RAB11FIP4: variants seen among roughly 807,000 people sequenced by gnomAD.
The protein encoded by RAB11FIP4 is rab11 family-interacting protein 4.
A neutral mutation model predicts 74.3 loss-of-function variants in RAB11FIP4; 23 were observed. The observed-to-expected ratio is 0.31, with a 90% CI of 0.22 to 0.44. The LOEUF is 0.44. Among genes scored for constraint, RAB11FIP4 ranks in the 20% least tolerant of loss-of-function variants. The probability of loss-of-function intolerance (pLI) is 1.00; values close to 1 mark genes in which losing one functional copy is unlikely to be tolerated. For missense variants in RAB11FIP4, 630 were observed against 863.9 expected, an observed-to-expected ratio of 0.73 and a Z score of 3.39; for synonymous variants, 360 against 359.9, an observed-to-expected ratio of 1.00 and a Z score of 0.00.
intron 3 of RAB11FIP4, among the ~76,000 whole-genome samples, chr17:31,438,882 TG>T (rs909384747): frequency 6.6e-6 from 1 of 151,848 alleles, no homozygotes. Context: ...GAGGCTGAGG[TG>T]GGAGGATTAC....
chr17:31,441,045 A>G (rs994608189), intron 3 of RAB11FIP4, among the ~76,000 whole-genome samples: 2 of 151,658 alleles, frequency 1.3e-5, no homozygotes, highest in African/African-American at 2.4e-5. Context: ...GTTTTTTGAG[A>G]TGGAGTTTTG....
In RAB11FIP4 at chr17:31,469,704, G is replaced by T. The variant is rs532276813; in HGVS notation, c.336+35582G>T. ...ATTTTGATTTGGGGCATAAGGAAAG[G>T]CCTCTTTGAGACATTACGAAAGAGT... On this transcript the variant is annotated intron_variant, in intron 3 of 14. Transcript: ENST00000621161. 1.1e-3 allele frequency among the ~76,000 whole-genome samples: 162 copies of T among 151,734 alleles called. 1 individual carries two copies. The highest frequency in any genetic ancestry group is 3.5e-3 in the Middle Eastern group (1 of 286).
At chr17:31,406,908 C>T (rs2071047100) in intron 1 of RAB11FIP4, among the ~76,000 whole-genome samples, 1 of 152,014 alleles carries the variant, frequency 6.6e-6, no homozygotes, top group South Asian at 2.1e-4. Context: ...CTGATTATAT[C>T]TATCACTTCT....
intron 3 of RAB11FIP4, among the ~76,000 whole-genome samples, chr17:31,446,476 C>A (rs747375055): frequency 3.3e-5 from 5 of 151,974 alleles, no homozygotes; most frequent in Non-Finnish European, 7.4e-5. Flanking sequence ...AACGTCTGTG[C>A]GATGGGTAAC....
chr17:31,528,987 A>G (rs2072821286), intron 13 of RAB11FIP4, among the ~76,000 whole-genome samples: 1 of 152,190 alleles, frequency 6.6e-6, no homozygotes, highest in South Asian at 2.1e-4. Flanking sequence ...ATGTAAGGAA[A>G]TAGACCCTGC....
chr17:31,479,384 AG>A (rs2142736734), intron 3 of RAB11FIP4, among the ~76,000 whole-genome samples: 1 of 152,312 alleles, frequency 6.6e-6, no homozygotes, highest in East Asian at 1.9e-4. Context: ...TCAAAAATCA[AG>A]TCCTCAGCTT....
intron 3 of RAB11FIP4, among the ~76,000 whole-genome samples, chr17:31,483,784 A>G (rs1336051498): frequency 6.6e-6 from 1 of 152,206 alleles, no homozygotes; most frequent in Non-Finnish European, 1.5e-5. Flanking sequence ...TTTTCTCAAA[A>G]TAATGATCAT....
rs779372506 is a variant in RAB11FIP4 at position 31,517,690 on chromosome 17, C to T, written c.376C>T (p.Leu126Phe). 7.5e-6 allele frequency: 12 copies of T among 1,607,898 alleles called. No individual in the cohort carries two copies. In the Admixed American group the frequency reaches 2.0e-4, roughly 27 times the overall value. Reference protein sequence around the residue: ...VTGPTFADGELIPREPGFFPE... With the variant: ...VTGPTFADGEFIPREPGFFPE... ...AGGCCCCACCTTTGCTGATGGCGAGCTCATCCCCAGGGAACCCGGCTTTTT... is the reference window on the plus strand; with the variant it reads ...AGGCCCCACCTTTGCTGATGGCGAGTTCATCCCCAGGGAACCCGGCTTTTT... The change falls in exon 4 of 15, where the codon CTC becomes TTC. Residue 126 changes from leucine to phenylalanine, a missense_variant. Physicochemically the swap from Leu to Phe is conservative, Grantham distance 22. Transcript: ENST00000621161.
chr17:31,440,146 GA>G (rs1311850548), intron 3 of RAB11FIP4, among the ~76,000 whole-genome samples: 8 of 152,054 alleles, frequency 5.3e-5, no homozygotes, highest in Non-Finnish European at 7.4e-5. Flanking sequence ...AGATACTTTT[GA>G]GAAAAAGAAG....
At chr17:31,523,665 G>A in intron 8 of RAB11FIP4, 54 bp downstream of exon 8, 1 of 1,516,304 alleles carries the variant, frequency 6.6e-7, no homozygotes, top group East Asian at 2.3e-5. Flanking sequence ...TCCCAGGGGA[G>A]ATGGGGTGCA....
intron 1 of RAB11FIP4, among the ~76,000 whole-genome samples, chr17:31,416,176 C>T (rs2071146326): frequency 1.3e-5 from 2 of 152,192 alleles, no homozygotes; most frequent in South Asian, 4.1e-4. Context: ...TAATGTTCCC[C>T]TTTGCCCTGG....
At chr17:31,497,375 A>G (rs1323383819) in intron 3 of RAB11FIP4, among the ~76,000 whole-genome samples, 1 of 138,778 alleles carries the variant, frequency 7.2e-6, no homozygotes, top group Admixed American at 6.9e-5. Context: ...AAAACAAAAC[A>G]AAAAAAAAAC....
At chr17:31,467,099 C>CTTTTTTCT (rs1555545835) in intron 3 of RAB11FIP4, among the ~76,000 whole-genome samples, 1 of 148,884 alleles carries the variant, frequency 6.7e-6, no homozygotes, top group Non-Finnish European at 1.5e-5. Context: ...CTGAGTATTT[C>CTTTTTTCT]TTTCTTTTCT....
intron 3 of RAB11FIP4, among the ~76,000 whole-genome samples, chr17:31,451,369 G>A (rs1181412664): frequency 6.9e-6 from 1 of 145,134 alleles, no homozygotes; most frequent in Admixed American, 7.4e-5. Flanking sequence ...TGAGGCAGAA[G>A]AATCACTTAA....
chr17:31,406,503 C>A (rs540513528), intron 1 of RAB11FIP4, among the ~76,000 whole-genome samples: 3 of 152,360 alleles, frequency 2.0e-5, no homozygotes, highest in Admixed American at 2.0e-4. Flanking sequence ...GCTCCAGGCA[C>A]GAGGGTGCTG....
chr17:31,489,091 G>A (rs2071958145), intron 3 of RAB11FIP4, among the ~76,000 whole-genome samples: 1 of 152,232 alleles, frequency 6.6e-6, no homozygotes, highest in Non-Finnish European at 1.5e-5. Flanking sequence ...TTCCTTGACT[G>A]ACCGATTTTC....
At chr17:31,524,211 T>A in intron 9 of RAB11FIP4, 1 of 543,086 alleles carries the variant, frequency 1.8e-6, no homozygotes, top group Admixed American at 3.1e-5. Flanking sequence ...ACCTTGGCTC[T>A]AGGCCCAATG....
intron 1 of RAB11FIP4, chr17:31,392,519 G>T (rs977704883): frequency 6.6e-6 from 1 of 152,368 alleles, no homozygotes; most frequent in African/African-American, 2.4e-5. Context: ...GGGCCACCGT[G>T]TACTCCCGGG....
At chr17:31,482,671 A>T (rs888090449) in intron 3 of RAB11FIP4, among the ~76,000 whole-genome samples, 1 of 152,176 alleles carries the variant, frequency 6.6e-6, no homozygotes, top group Non-Finnish European at 1.5e-5. Flanking sequence ...GCAGTCTCAG[A>T]GTCCTGCCTA....
Sources: gnomAD v4.1 joint callset for allele counts (sites outside exome capture counted in the v4.1 genomes callset) on GRCh38, gnomAD v4.1.1 for gene constraint, MANE v1.5 for transcripts, NCBI Gene and HGNC (gene_info 2026-07-23, HGNC 2026-07-21) for gene names.